VEGFD: variants seen among roughly 807,000 people sequenced by gnomAD.
The protein encoded by VEGFD is c-fos induced growth factor (vascular endothelial growth factor D).
Under a neutral mutation model 28.0 loss-of-function variants are expected in VEGFD, and 26 were observed. That is an observed-to-expected ratio of 0.93 (90% confidence interval 0.68 to 1.29). The LOEUF is 1.29. Among genes scored for constraint, VEGFD ranks in the 50% most tolerant of loss-of-function variants. VEGFD has a pLI of 0.00. For missense variants in VEGFD, 294 were observed against 273.4 expected, an observed-to-expected ratio of 1.08 and a Z score of -0.53; for synonymous variants, 93 against 95.5, an observed-to-expected ratio of 0.97 and a Z score of 0.15.
intron 2 of VEGFD, among the ~76,000 whole-genome samples, 165 bp from the exon 3 acceptor site, chrX:15,358,358 G>T (rs145080990): frequency 4.4e-4 from 49 of 111,327 alleles, no homozygotes; most frequent in African/African-American, 1.6e-3. Context: ...ATTGTTTGCA[G>T]AGAAGTTACA....
intron 1 of VEGFD, among the ~76,000 whole-genome samples, chrX:15,368,066 GAA>G (rs1210311988): frequency 1.1e-4 from 8 of 74,532 alleles, no homozygotes; most frequent in Non-Finnish European, 1.9e-4. Flanking sequence ...AGAAAGGAAA[GAA>G]AGAAAGAAAG....
intron 1 of VEGFD, among the ~76,000 whole-genome samples, chrX:15,380,764 A>G (rs1923550731): frequency 1.8e-5 from 2 of 112,765 alleles, no homozygotes. Context: ...AAGAGTGAGG[A>G]TGTAGATACT....
intron 1 of VEGFD, among the ~76,000 whole-genome samples, chrX:15,368,309 T>C (rs1032664326): frequency 8.9e-6 from 1 of 112,378 alleles, no homozygotes; most frequent in African/African-American, 3.2e-5. Flanking sequence ...AATCTCTGGA[T>C]TGAATTAAAG....
intron 1 of VEGFD, among the ~76,000 whole-genome samples, chrX:15,369,366 C>T (rs1923253101): frequency 9.1e-6 from 1 of 109,893 alleles, no homozygotes; most frequent in Non-Finnish European, 1.9e-5. Flanking sequence ...AAAAAAACAG[C>T]AAGGGGTTCA....
chrX:15,360,646 C>A (rs907290061), intron 2 of VEGFD, among the ~76,000 whole-genome samples: 2 of 111,684 alleles, frequency 1.8e-5, no homozygotes, highest in African/African-American at 6.5e-5. Context: ...CCCCAAGAAA[C>A]CTTTTTAAAA....
intron 2 of VEGFD, among the ~76,000 whole-genome samples, chrX:15,361,004 T>C (rs1160195924): frequency 8.9e-6 from 1 of 112,582 alleles, no homozygotes; most frequent in East Asian, 2.8e-4. Context: ...GGAAATTACC[T>C]TGAAATCCAC....
At chrX:15,372,431 A>G (rs188372061) in intron 1 of VEGFD, among the ~76,000 whole-genome samples, 1 of 108,023 alleles carries the variant, frequency 9.3e-6, no homozygotes, top group Non-Finnish European at 1.9e-5. Flanking sequence ...GTGCCATTAA[A>G]GCTCTCACAA....
intron 1 of VEGFD, among the ~76,000 whole-genome samples, chrX:15,368,074 GA>G (rs1471384290): frequency 7.8e-5 from 7 of 90,214 alleles, no homozygotes; most frequent in Admixed American, 2.5e-4. Flanking sequence ...AAGAAAGAAA[GA>G]AAGAAAGAAA....
intron 1 of VEGFD, among the ~76,000 whole-genome samples, chrX:15,373,306 G>A (rs942195710): frequency 8.1e-5 from 9 of 111,721 alleles, no homozygotes; most frequent in Non-Finnish European, 1.5e-4. Context: ...TTTTCTCAAA[G>A]AGCTTCAAAA....
At chrX:15,369,352 G>GA (rs763079934) in intron 1 of VEGFD, among the ~76,000 whole-genome samples, 69 of 105,582 alleles carry the variant, frequency 6.5e-4, no homozygotes, top group African/African-American at 2.0e-3. Context: ...AGCCTCAGGG[G>GA]AAAAAAAAAA....
chrX:15,352,683 C>T (rs980759866), intron 5 of VEGFD, among the ~76,000 whole-genome samples: 9 of 112,142 alleles, frequency 8.0e-5, no homozygotes, highest in African/African-American at 2.9e-4. Context: ...AAGCAGCTTT[C>T]ATTCAAGTTT....
intron 5 of VEGFD, among the ~76,000 whole-genome samples, chrX:15,350,792 T>TC (rs1268538794): frequency 2.0e-5 from 2 of 102,262 alleles, no homozygotes; most frequent in African/African-American, 3.6e-5. Context: ...TCTCTCTTTC[T>TC]TTTCTTTTCT....
intron 1 of VEGFD, among the ~76,000 whole-genome samples, chrX:15,375,858 C>T (rs1923426346): frequency 9.0e-6 from 1 of 111,581 alleles, no homozygotes; most frequent in Admixed American, 9.5e-5. Flanking sequence ...GCCAGATCAT[C>T]TAGCACTGCG....
At chrX:15,348,295 CTG>C (rs1483601002) in intron 5 of VEGFD, among the ~76,000 whole-genome samples, 1 of 112,160 alleles carries the variant, frequency 8.9e-6, no homozygotes, top group East Asian at 2.8e-4. Flanking sequence ...ACAATTCAGT[CTG>C]TACCTTGTGT....
intron 1 of VEGFD, among the ~76,000 whole-genome samples, chrX:15,370,798 T>A: frequency 9.5e-6 from 1 of 105,752 alleles, no homozygotes; most frequent in Non-Finnish European, 2.0e-5. Context: ...TCTTTCTTTC[T>A]TTTTTTTTTG....
chrX:15,380,501 A>T (rs1923543515), intron 1 of VEGFD, among the ~76,000 whole-genome samples: 1 of 112,799 alleles, frequency 8.9e-6, no homozygotes, highest in African/African-American at 3.2e-5. Context: ...GAGGGTGGAT[A>T]AAAAAAGACA....
intron 1 of VEGFD, among the ~76,000 whole-genome samples, chrX:15,365,818 A>C (rs1923131551): frequency 9.0e-6 from 1 of 111,137 alleles, no homozygotes; most frequent in Non-Finnish European, 1.9e-5. Context: ...CCTCTCTCTA[A>C]TGTGTTATGG....
intron 3 of VEGFD, 116 bp from the exon 4 acceptor site, chrX:15,355,414 G>T: frequency 3.6e-6 from 2 of 558,906 alleles, no homozygotes; most frequent in Non-Finnish European, 5.2e-6. Context: ...TAGCCAAGTT[G>T]TCCATTAAGA....
chrX:15,348,493 T>C (rs777894320), intron 5 of VEGFD, among the ~76,000 whole-genome samples: 1 of 112,639 alleles, frequency 8.9e-6, no homozygotes, highest in East Asian at 2.8e-4. Context: ...TACAAGGCCC[T>C]CCATGAACTG....
Sources: gnomAD v4.1 joint callset for allele counts (sites outside exome capture counted in the v4.1 genomes callset) on GRCh38, gnomAD v4.1.1 for gene constraint, MANE v1.5 for transcripts, NCBI Gene and HGNC (gene_info 2026-07-23, HGNC 2026-07-21) for gene names.